Variants in CDH4 observed in about 807,000 individuals in gnomAD.
The protein encoded by CDH4 is cadherin-4.
Under a neutral mutation model 86.0 loss-of-function variants are expected in CDH4, and 33 were observed. The observed-to-expected ratio is 0.38, with a 90% CI of 0.29 to 0.51. The LOEUF (loss-of-function observed/expected upper bound fraction) is 0.51, where lower values mean the gene tolerates loss of function less well. Ranked by LOEUF, CDH4 falls within the 20% of genes least tolerant of loss-of-function variation. The pLI is 0.86. For missense variants in CDH4, 1,114 were observed against 1,307.4 expected (o/e 0.85, Z 2.28); for synonymous variants, 555 against 549.4 (o/e 1.01, Z -0.14).
At chr20:61,719,523 C>A (rs909463735) in intron 2 of CDH4, 3 of 211,184 alleles carry the variant, frequency 1.4e-5, no homozygotes, top group Admixed American at 1.1e-4. Flanking sequence ...GAGATAATTT[C>A]TCGGGAGTCT....
At chr20:61,669,035 G>C (rs1007941828) in intron 2 of CDH4, among the ~76,000 whole-genome samples, 1 of 152,210 alleles carries the variant, frequency 6.6e-6, no homozygotes, top group African/African-American at 2.4e-5. Context: ...GCGGCAGGCC[G>C]GCGGCAGGTC....
At chr20:61,746,961 C>A (rs922977114) in intron 3 of CDH4, among the ~76,000 whole-genome samples, 1 of 152,164 alleles carries the variant, frequency 6.6e-6, no homozygotes, top group African/African-American at 2.4e-5. Context: ...AAGGTGACAC[C>A]GGATTGCTGG....
At chr20:61,648,456 G>A (rs765694566) in intron 2 of CDH4, among the ~76,000 whole-genome samples, 17 of 152,228 alleles carry the variant, frequency 1.1e-4, no homozygotes, top group Non-Finnish European at 2.2e-4. Flanking sequence ...CAACCGAGCT[G>A]GAGGCACACC....
intron 2 of CDH4, among the ~76,000 whole-genome samples, chr20:61,697,053 G>A (rs912884463): frequency 6.6e-6 from 1 of 152,304 alleles, no homozygotes; most frequent in South Asian, 2.1e-4. Context: ...TTCGGAGGGA[G>A]CATGGCCCTG....
rs2087865958 is a variant in CDH4, at chr20:61,709,382, C to T, written c.170-34181C>T. ...CTCCGCCTCCTGGGTTCAAGCAATT[C>T]TCCTGCCTCAGCCACCCAAGTAGTT... On this transcript the variant is annotated intron_variant, in intron 2 of 15. Coordinates refer to ENST00000614565, the MANE Select transcript of CDH4 (RefSeq NM_001794.5). This position sits in a 1 kb window ranked among gnomAD's most constrained non-coding sequence, Gnocchi z 4.8. Among the ~76,000 whole-genome samples the T allele has an allele frequency of 1.3e-5, 2 of 152,178 alleles. No individual in the cohort carries two copies.
chr20:61,637,531 G>T (rs188049970), intron 2 of CDH4, among the ~76,000 whole-genome samples: 1 of 152,336 alleles, frequency 6.6e-6, no homozygotes, highest in Admixed American at 6.5e-5. Context: ...ACTCCAAGAA[G>T]CTGTCCTGTC....
At chr20:61,656,895 G>C (rs2087198240) in intron 2 of CDH4, among the ~76,000 whole-genome samples, 1 of 152,174 alleles carries the variant, frequency 6.6e-6, no homozygotes, top group Non-Finnish European at 1.5e-5. Context: ...TGCATGTGGA[G>C]GCTGCCAGCC....
In CDH4 at chr20:61,929,555, G is replaced by A. The variant is rs535470336; in HGVS notation, c.2006-54G>A. ...TTTAGTCTTTTCCTTTGGACGTCTT[G>A]CTTGGAAGCGAGGGCCGGGCTCTGG... On this transcript the variant is annotated intron_variant, in intron 12 of 15. Coordinates refer to ENST00000614565, the MANE Select transcript of CDH4 (RefSeq NM_001794.5). The A allele has an allele frequency of 1.7e-5, 24 of 1,410,052 alleles. No individual in the cohort carries two copies. In the East Asian group the frequency reaches 4.1e-4, roughly 24 times the overall value. The allele number at this position is 1,410,052 out of a possible 1,614,324, so 87.3% of individuals were successfully genotyped here. A position where few individuals can be genotyped will look rare whatever the true frequency, so the allele number is the denominator to read the frequency against.
In CDH4 at chr20:61,275,330, G is replaced by A. The variant is rs374493941; in HGVS notation, c.169+20393G>A. Among the ~76,000 whole-genome samples the A allele has an allele frequency of 5.0e-3, 663 of 131,594 alleles. 2 individuals are homozygous for A. Among genetic ancestry groups the A allele is most frequent in the Middle Eastern group, 0.016 (3 of 186 alleles). The allele number at this position is 131,594 out of a possible 152,430, so 86.3% of individuals were successfully genotyped here. On this transcript the variant is annotated intron_variant, in intron 2 of 15. Transcript: ENST00000614565. ...TGGGGGAGCACCGTGCGCAGTTTGG[G>A]AGAGTACCGTGCGCAGTTTGGGGGG...
At chr20:61,912,456 TTCA>T (rs1370396621) in intron 9 of CDH4, among the ~76,000 whole-genome samples, 1 of 152,228 alleles carries the variant, frequency 6.6e-6, no homozygotes, top group East Asian at 1.9e-4. Flanking sequence ...TTATAAATTC[TTCA>T]TCATTTTTAT....
In CDH4 at chr20:61,676,565, G is replaced by A. The variant is rs373712804; in HGVS notation, c.170-66998G>A. ...AGGGATGGGTCTGCTTGGAGACCCC[G>A]GGTCAGGCTGTGACAGTGCCCTGGC... On this transcript the variant is annotated intron_variant, in intron 2 of 15. Coordinates refer to ENST00000614565, the MANE Select transcript of CDH4 (RefSeq NM_001794.5). This position sits in a 1 kb window ranked among gnomAD's most constrained non-coding sequence, Gnocchi z 4.5. Among the ~76,000 whole-genome samples the A allele has an allele frequency of 6.6e-5, 10 of 152,092 alleles. No homozygotes were observed. Among genetic ancestry groups the A allele is most frequent in the East Asian group, 3.9e-4 (2 of 5,162 alleles).
At chr20:61,273,315 A>G (rs1412554484) in intron 2 of CDH4, among the ~76,000 whole-genome samples, 99 of 77,712 alleles carry the variant, frequency 1.3e-3, no homozygotes, top group South Asian at 2.0e-3. Context: ...GTTTGGGGGA[A>G]TACCATGTGC....
chr20:61,306,881 G>A (rs2084420104), intron 2 of CDH4, among the ~76,000 whole-genome samples: 1 of 152,258 alleles, frequency 6.6e-6, no homozygotes, highest in Non-Finnish European at 1.5e-5. Flanking sequence ...CTGTACGCCT[G>A]GCTTCTTTCC....
At position 61,623,108 on chromosome 20, in the gene CDH4, G is replaced by T. The variant is rs1416901952; in HGVS notation, c.170-120455G>T. ...TAAAATAATGACATAAGACGTGTGG[G>T]TTGGAGATGGATGCAGAGAAGTGGA... On this transcript the variant is annotated intron_variant, in intron 2 of 15. Coordinates refer to ENST00000614565, the MANE Select transcript of CDH4 (RefSeq NM_001794.5). The surrounding 1 kb of genome is among the most constrained non-coding windows in gnomAD (Gnocchi z 4.4). Among the ~76,000 whole-genome samples the T allele has an allele frequency of 6.6e-6, 1 of 152,222 alleles. No individual in the cohort carries two copies. The highest frequency in any genetic ancestry group is 6.5e-5 in the Admixed American group (1 of 15,292).
intron 2 of CDH4, among the ~76,000 whole-genome samples, chr20:61,690,426 G>T (rs1428852997): frequency 6.6e-6 from 1 of 152,148 alleles, no homozygotes; most frequent in East Asian, 1.9e-4. Flanking sequence ...CCCCAGGGTA[G>T]CCCAGGTGAT....
intron 4 of CDH4, among the ~76,000 whole-genome samples, chr20:61,817,421 C>T (rs567052189): frequency 2.0e-5 from 3 of 152,314 alleles, no homozygotes; most frequent in African/African-American, 4.8e-5. Context: ...GGGAAGGCTT[C>T]CCCACCCCCC....
At chr20:61,605,405 C>T (rs1231597008) in intron 2 of CDH4, among the ~76,000 whole-genome samples, 3 of 151,932 alleles carry the variant, frequency 2.0e-5, no homozygotes, top group African/African-American at 4.8e-5. Context: ...CTGTCTCTAC[C>T]TCTCTTTGTC....
At chr20:61,750,799 G>A (rs2088483173) in intron 3 of CDH4, among the ~76,000 whole-genome samples, 1 of 152,238 alleles carries the variant, frequency 6.6e-6, no homozygotes, top group African/African-American at 2.4e-5. Flanking sequence ...TAGCAAGGGT[G>A]CTGGATGTAA....
intron 2 of CDH4, among the ~76,000 whole-genome samples, chr20:61,314,712 G>A (rs371641040): frequency 6.0e-4 from 91 of 152,208 alleles, no homozygotes; most frequent in African/African-American, 1.9e-3. Flanking sequence ...CTTCCATAAC[G>A]CTCATCCCAA....
Sources: allele counts gnomAD v4.1 joint callset (sites outside exome capture counted in the v4.1 genomes callset), GRCh38; gene constraint gnomAD v4.1.1; non-coding constraint Gnocchi (gnomAD v3.1); transcripts MANE v1.5; gene names NCBI Gene and HGNC (gene_info 2026-07-23, HGNC 2026-07-21).